LRRC39: variants seen among roughly 807,000 people sequenced by gnomAD.
LRRC39 encodes leucine rich repeat containing 39.
A neutral mutation model predicts 39.7 loss-of-function variants in LRRC39; 35 were observed. The observed-to-expected ratio is 0.88, with a 90% CI of 0.67 to 1.17. The LOEUF is 1.17. Among genes scored for constraint, LRRC39 ranks in the 50% most tolerant of loss-of-function variants. The pLI is 0.00. For missense variants in LRRC39, 357 were observed against 385.8 expected (o/e 0.93, Z 0.62); for synonymous variants, 113 against 134.1 (o/e 0.84, Z 1.09).
chr1:100,178,979 C>T (rs1225063952), upstream of LRRC39, among the ~76,000 whole-genome samples: 1 of 152,116 alleles, frequency 6.6e-6, no homozygotes, highest in Non-Finnish European at 1.5e-5. Flanking sequence ...TAAAAGCACA[C>T]ATATGTGAAG....
intron 3 of LRRC39, 55 bp from the exon 4 acceptor site, chr1:100,160,626 CTT>C (rs35699743): frequency 7.5e-3 from 8,172 of 1,090,078 alleles, no homozygotes; most frequent in South Asian, 0.014. Context: ...GTGGCATTCA[CTT>C]TTTTTTTTTT....
At chr1:100,167,227 C>T (rs570604310) in intron 3 of LRRC39, among the ~76,000 whole-genome samples, 1 of 152,146 alleles carries the variant, frequency 6.6e-6, no homozygotes, top group East Asian at 1.9e-4. Flanking sequence ...ACATAATGAT[C>T]ATTGGCTGTG....
At chr1:100,179,072 G>A (rs980178727), upstream of LRRC39, among the ~76,000 whole-genome samples, 11 of 152,106 alleles carry the variant, frequency 7.2e-5, no homozygotes, top group Admixed American at 2.6e-4. Context: ...CTTGGAAACT[G>A]TTTCATATTA....
chr1:100,178,504 C>T (rs1439756864), upstream of LRRC39, among the ~76,000 whole-genome samples: 1 of 152,074 alleles, frequency 6.6e-6, no homozygotes, highest in African/African-American at 2.4e-5. Context: ...TCCATCCAAG[C>T]AGAGAAACTT....
Position 100,156,241 on chromosome 1 carries a change from T to A in LRRC39, c.590A>T (p.Asn197Ile). 6.2e-7 allele frequency: 1 copy of A among 1,614,054 alleles called. No homozygotes were observed. Among genetic ancestry groups the A allele is most frequent in the Non-Finnish European group, 8.5e-7 (1 of 1,179,948 alleles). Reference protein sequence around the residue: ...DFTTIPLAVLNMPALEWLDMG... With the variant: ...DFTTIPLAVLIMPALEWLDMG... The stretch of plus-strand genomic sequence containing the variant: ...GTCCAGCCACTCAAGGGCAGGCATG[T>A]TCAACACAGCAAGAGGGATTGTAGT... The change falls in exon 7 of 10, where the codon AAC becomes ATC. Residue 197 changes from asparagine to isoleucine, a missense_variant. Physicochemically the swap from Asn to Ile is moderately radical, Grantham distance 149 (BLOSUM62 -3). Transcript: ENST00000370137.
chr1:100,175,017 G>T (rs1659861482), intron 1 of LRRC39, among the ~76,000 whole-genome samples: 1 of 150,584 alleles, frequency 6.6e-6, no homozygotes, highest in African/African-American at 2.4e-5. Flanking sequence ...TTTTGCTCCT[G>T]TTCTGGCCTT....
At chr1:100,149,624 CTT>C in intron 9 of LRRC39, 2 of 442,574 alleles carry the variant, frequency 4.5e-6, no homozygotes, top group Admixed American at 4.5e-5. Flanking sequence ...AGTATGTTCT[CTT>C]CTGTTTGGGA....
intron 3 of LRRC39, among the ~76,000 whole-genome samples, chr1:100,162,201 C>G (rs564996552): frequency 2.6e-5 from 4 of 152,230 alleles, no homozygotes; most frequent in Non-Finnish European, 2.9e-5. Flanking sequence ...AGTTCAACTT[C>G]AGAATTCAAT....
chr1:100,159,314 G>A lies in LRRC39; in HGVS notation c.321C>T (p.Asn107=). The stretch of plus-strand genomic sequence containing the variant: ...TTCGAGATAAATCTAACACAATGAG[G>A]TTCTGGAATCTTCCAATGAATTCAG... ...KIPEFIGRFQ[N]LIVLDLSRNT... The change falls in exon 5 of 10, where the codon AAC becomes AAT. Residue 107 remains asparagine (N), a synonymous_variant. Coordinates refer to ENST00000370137, the MANE Select transcript of LRRC39 (RefSeq NM_144620.4). 1 of 1,611,020 alleles carries A rather than the reference G, an allele frequency of 6.2e-7. No individual in the cohort carries two copies. Among genetic ancestry groups the A allele is most frequent in the Admixed American group, 1.7e-5 (1 of 59,680 alleles).
At chr1:100,168,339 C>G in intron 3 of LRRC39, 65 bp downstream of exon 3, 2 of 1,213,710 alleles carry the variant, frequency 1.6e-6, no homozygotes, top group South Asian at 1.5e-5. Context: ...TTAGAATGCT[C>G]TTTTTTATGG....
intron 2 of LRRC39, among the ~76,000 whole-genome samples, chr1:100,169,134 G>A (rs867481318): frequency 6.6e-6 from 1 of 151,964 alleles, no homozygotes; most frequent in South Asian, 2.1e-4. Flanking sequence ...AAATGGTTAT[G>A]TAAATTATGG....
At chr1:100,168,777 T>A (rs1274807556) in intron 2 of LRRC39, 183 bp from the exon 3 acceptor site, 2 of 291,930 alleles carry the variant, frequency 6.9e-6, no homozygotes, top group Admixed American at 1.0e-4. Context: ...TATTGACTAA[T>A]GTATAGATGA....
chr1:100,173,180 C>A (rs1198864778), intron 2 of LRRC39, among the ~76,000 whole-genome samples, 151 bp downstream of exon 2: 1 of 151,588 alleles, frequency 6.6e-6, no homozygotes, highest in Non-Finnish European at 1.5e-5. Context: ...GCGGAGGTTG[C>A]AGTGAGCTGA....
At chr1:100,175,900 T>C (rs543879035) in intron 1 of LRRC39, among the ~76,000 whole-genome samples, 1 of 152,264 alleles carries the variant, frequency 6.6e-6, no homozygotes, top group Non-Finnish European at 1.5e-5. Flanking sequence ...TGGTGAGAAT[T>C]TGAGTTACAG....
rs142304597 is a variant in LRRC39, at chr1:100,166,812, C to T, written c.113+1592G>A. On this transcript the variant is annotated intron_variant, in intron 3 of 9. Transcript: ENST00000370137. ...AGGAGCCACATGTTAATCACCAAGA[C>T]AATGGTTTTATAAGAGGTTTCCCCT... Among the ~76,000 whole-genome samples, 25 of 152,264 alleles carry T rather than the reference C, an allele frequency of 1.6e-4. 1 individual carries two copies. The East Asian group carries it at 4.4e-3, about 27-fold the overall frequency.
intron 3 of LRRC39, among the ~76,000 whole-genome samples, chr1:100,167,704 A>G (rs1036753896): frequency 1.3e-5 from 2 of 151,722 alleles, no homozygotes; most frequent in Admixed American, 1.3e-4. Flanking sequence ...TGAATCTGGG[A>G]GGCGGAGGTT....
chr1:100,157,412 C>T (rs1416812208), intron 6 of LRRC39, among the ~76,000 whole-genome samples: 3 of 152,158 alleles, frequency 2.0e-5, no homozygotes, highest in African/African-American at 7.2e-5. Flanking sequence ...TCCCCAGCCA[C>T]GTGAAACTGA....
intron 3 of LRRC39, among the ~76,000 whole-genome samples, chr1:100,162,998 T>C (rs1658993854): frequency 6.6e-6 from 1 of 152,208 alleles, no homozygotes. Context: ...ATACCTCTCT[T>C]AGTATCTGTG....
chr1:100,163,284 C>T (rs952832159), intron 3 of LRRC39, among the ~76,000 whole-genome samples: 1 of 152,126 alleles, frequency 6.6e-6, no homozygotes, highest in Non-Finnish European at 1.5e-5. Flanking sequence ...TGACCTTTAA[C>T]TTAAGGAATT....
Sources: gnomAD v4.1 joint callset for allele counts (sites outside exome capture counted in the v4.1 genomes callset) on GRCh38, gnomAD v4.1.1 for gene constraint, MANE v1.5 for transcripts, NCBI Gene and HGNC (gene_info 2026-07-23, HGNC 2026-07-21) for gene names.